The following RNF220 variants were observed in gnomAD, a reference collection of about 807,000 sequenced individuals.
The protein encoded by RNF220 is E3 ubiquitin-protein ligase RNF220.
In RNF220, 7 loss-of-function variants were observed where a neutral mutation model predicts 67.1. The ratio of observed to expected loss-of-function variants is 0.10; its 90% CI spans 0.06 to 0.20. RNF220 has a LOEUF of 0.20. Ranked by LOEUF, RNF220 falls within the 10% of genes least tolerant of loss-of-function variation. The probability of loss-of-function intolerance (pLI) is 1.00; values close to 1 mark genes in which losing one functional copy is unlikely to be tolerated. For missense variants in RNF220, 565 were observed against 740.3 expected (o/e 0.76, Z 2.75); for synonymous variants, 270 against 283.2 (o/e 0.95, Z 0.47).
At chr1:44,541,748 G>T (rs1397573236) in intron 2 of RNF220, among the ~76,000 whole-genome samples, 3 of 152,210 alleles carry the variant, frequency 2.0e-5, no homozygotes, top group Admixed American at 2.0e-4. Flanking sequence ...ACAGCCACAA[G>T]TCCTTTGCAC....
chr1:44,612,337 T>C (rs1643348784), intron 2 of RNF220, among the ~76,000 whole-genome samples: 1 of 152,246 alleles, frequency 6.6e-6, no homozygotes, highest in Non-Finnish European at 1.5e-5. Context: ...TAAAGATAGA[T>C]AAGAAATGGT....
intron 2 of RNF220, among the ~76,000 whole-genome samples, chr1:44,591,984 A>T (rs1666149640): frequency 6.6e-6 from 1 of 151,926 alleles, no homozygotes; most frequent in South Asian, 2.1e-4. Context: ...GCCGTCCCCC[A>T]TCCTGTGAGC....
chr1:44,647,230 C>G (rs977894717), intron 12 of RNF220, among the ~76,000 whole-genome samples: 1 of 152,164 alleles, frequency 6.6e-6, no homozygotes, highest in African/African-American at 2.4e-5. Flanking sequence ...TGTAGGCTGC[C>G]CCCAGCTGCA....
At chr1:44,419,495 A>G (rs1648975518) in intron 2 of RNF220, 1 of 152,200 alleles carries the variant, frequency 6.6e-6, no homozygotes, top group Non-Finnish European at 1.5e-5. Context: ...CTGTTATCTT[A>G]ATCACACTAC....
At chr1:44,411,285 TAGAA>T (rs1414431317) in intron 1 of RNF220, among the ~76,000 whole-genome samples, 9 of 152,126 alleles carry the variant, frequency 5.9e-5, no homozygotes, top group African/African-American at 1.7e-4. Context: ...AAAAGAGAAA[TAGAA>T]AGCCCATGTG....
chr1:44,411,003 A>G lies in RNF220; in HGVS notation c.-117-978A>G, dbSNP rs143088232. Among the ~76,000 whole-genome samples, 463 of 152,340 alleles carry G rather than the reference A, an allele frequency of 3.0e-3. 2 individuals are homozygous for G. The highest frequency in any genetic ancestry group is 0.011 in the African/African-American group (444 of 41,578). On this transcript the variant is annotated intron_variant, in intron 1 of 14. Coordinates refer to ENST00000361799, the MANE Select transcript of RNF220 (RefSeq NM_018150.4). Reference sequence around the variant, plus strand: ...ACTCCAATTTGTTCCGGGGGCCTTTATTGGACATCAGCTCTGACTGGGCCA... The same window carrying G: ...ACTCCAATTTGTTCCGGGGGCCTTTGTTGGACATCAGCTCTGACTGGGCCA...
chr1:44,617,192 G>A (rs1643590802), intron 3 of RNF220, among the ~76,000 whole-genome samples: 1 of 152,200 alleles, frequency 6.6e-6, no homozygotes, highest in Non-Finnish European at 1.5e-5. Context: ...TGCACAGCAA[G>A]TGAAATTCCC....
At chr1:44,531,337 C>T (rs1259559009) in intron 2 of RNF220, among the ~76,000 whole-genome samples, 1 of 152,206 alleles carries the variant, frequency 6.6e-6, no homozygotes, top group East Asian at 1.9e-4. Flanking sequence ...CTTTGCAGGT[C>T]TTGTCCTTTC....
At chr1:44,507,300 C>T (rs542716722) in intron 2 of RNF220, among the ~76,000 whole-genome samples, 9 of 152,222 alleles carry the variant, frequency 5.9e-5, no homozygotes, top group African/African-American at 2.2e-4. Context: ...AAAGTCCAAG[C>T]AAGTTGATAT....
At chr1:44,538,248 T>C (rs1661389778) in intron 2 of RNF220, among the ~76,000 whole-genome samples, 1 of 152,244 alleles carries the variant, frequency 6.6e-6, no homozygotes, top group African/African-American at 2.4e-5. Context: ...TTCAGCCAGC[T>C]CTGTATCTAC....
In RNF220 at chr1:44,504,376, C is replaced by T. The variant is rs538964363; in HGVS notation, c.625+91654C>T. 5.3e-5 allele frequency among the ~76,000 whole-genome samples: 8 copies of T among 152,296 alleles called. No individual in the cohort carries two copies. In the South Asian group the frequency reaches 6.2e-4, roughly 12 times the overall value. ...GATGTGGATATGAATGGCTGGGACA[C>T]GGACACTTTTAAGGACCCCGTTATC... is the stretch of plus-strand genomic sequence containing the variant. On this transcript the variant is annotated intron_variant, in intron 2 of 14. Coordinates refer to ENST00000361799, the MANE Select transcript of RNF220 (RefSeq NM_018150.4).
chr1:44,455,046 A>G (rs1338813189), intron 2 of RNF220, among the ~76,000 whole-genome samples: 1 of 152,186 alleles, frequency 6.6e-6, no homozygotes, highest in Non-Finnish European at 1.5e-5. Flanking sequence ...TTTATTCTTG[A>G]GTAAAGAACA....
chr1:44,415,485 T>G (rs1277819285), intron 2 of RNF220, among the ~76,000 whole-genome samples: 1 of 141,896 alleles, frequency 7.0e-6, no homozygotes, highest in Non-Finnish European at 1.5e-5. Context: ...TTGCCCAAAT[T>G]AACCATATAT....
chr1:44,512,192 A>G (rs1252472796), intron 2 of RNF220, among the ~76,000 whole-genome samples: 1 of 152,212 alleles, frequency 6.6e-6, no homozygotes, highest in African/African-American at 2.4e-5. Flanking sequence ...CCAATTTAAC[A>G]TAAGGTCTCA....
intron 2 of RNF220, among the ~76,000 whole-genome samples, chr1:44,455,944 A>G (rs1274425374): frequency 6.6e-6 from 1 of 152,178 alleles, no homozygotes; most frequent in Non-Finnish European, 1.5e-5. Context: ...AGTGGTACTG[A>G]GGGAGTGTAA....
At chr1:44,539,477 G>A (rs1288174791) in intron 2 of RNF220, among the ~76,000 whole-genome samples, 1 of 152,204 alleles carries the variant, frequency 6.6e-6, no homozygotes, top group Non-Finnish European at 1.5e-5. Context: ...ATATGAGAGA[G>A]CAAGACACAA....
chr1:44,555,155 C>T (rs183268115), intron 2 of RNF220, among the ~76,000 whole-genome samples: 257 of 151,944 alleles, frequency 1.7e-3, no homozygotes, highest in African/African-American at 5.8e-3. Context: ...GCAGCCTCCA[C>T]CTCCTGGGCT....
intron 2 of RNF220, among the ~76,000 whole-genome samples, chr1:44,521,863 A>G (rs1328670183): frequency 1.3e-5 from 2 of 149,538 alleles, no homozygotes; most frequent in Non-Finnish European, 3.0e-5. Flanking sequence ...ATTGATGTCT[A>G]CTGAATGAAT....
At position 44,615,904 on chromosome 1, in the gene RNF220, T is replaced by C. The variant is rs151254880; in HGVS notation, c.758+1607T>C. The stretch of plus-strand genomic sequence containing the variant: ...AGCTTAGCTGGATGGTTGTGGGTAG[T>C]AGTGGCTACTGGCTGGGAGTCTCTC... On this transcript the variant is annotated intron_variant, in intron 3 of 14. Coordinates refer to ENST00000361799, the MANE Select transcript of RNF220 (RefSeq NM_018150.4). 3.9e-4 allele frequency among the ~76,000 whole-genome samples: 59 copies of C among 152,330 alleles called. No individual in the cohort carries two copies. In the East Asian group the frequency reaches 0.011, roughly 28 times the overall value.
Sources: gnomAD v4.1 joint callset for allele counts (sites outside exome capture counted in the v4.1 genomes callset) on GRCh38, gnomAD v4.1.1 for gene constraint, MANE v1.5 for transcripts, NCBI Gene and HGNC (gene_info 2026-07-23, HGNC 2026-07-21) for gene names.